The following NDUFC2 variants were observed in gnomAD, a reference collection of about 807,000 sequenced individuals.
The protein encoded by NDUFC2 is NADH:ubiquinone oxidoreductase subunit C2, also known as NADH dehydrogenase [ubiquinone] 1 subunit C2.
A neutral mutation model predicts 10.1 loss-of-function variants in NDUFC2; 2 were observed. The ratio of observed to expected loss-of-function variants is 0.20; its 90% CI spans 0.08 to 0.62. The LOEUF is 0.62. Among genes scored for constraint, NDUFC2 ranks in the 20% least tolerant of loss-of-function variants. The pLI, the probability that NDUFC2 is intolerant of heterozygous loss-of-function variation, is 0.87. For synonymous variants in NDUFC2, 61 were observed against 63.6 expected (o/e 0.96, Z 0.20); for missense variants, 156 against 159.6 (o/e 0.98, Z 0.12).
At chr11:78,074,665 T>C (rs1859164963) in intron 1 of NDUFC2, among the ~76,000 whole-genome samples, 1 of 151,426 alleles carries the variant, frequency 6.6e-6, no homozygotes, top group African/African-American at 2.4e-5. Flanking sequence ...TAGTAGCATA[T>C]AAAACAAGAC....
At chr11:78,073,421 G>A (rs1859103119) in intron 1 of NDUFC2, among the ~76,000 whole-genome samples, 2 of 152,202 alleles carry the variant, frequency 1.3e-5, no homozygotes, top group Non-Finnish European at 2.9e-5. Context: ...GAACCTGGGA[G>A]GCAGAGGTTG....
chr11:78,077,977 C>T (rs190556016), intron 1 of NDUFC2, among the ~76,000 whole-genome samples: 35 of 152,190 alleles, frequency 2.3e-4, no homozygotes, highest in Non-Finnish European at 4.0e-4. Flanking sequence ...GAGGCATAAA[C>T]GGACAAAGAT....
intron 2 of NDUFC2, chr11:78,072,740 A>G: frequency 1.8e-6 from 1 of 545,510 alleles, no homozygotes; most frequent in Non-Finnish European, 3.2e-6. Context: ...GGTGGACAGT[A>G]GTGCCATTCT....
rs757872828 is a variant in NDUFC2, at chr11:78,079,695, G to A, written c.50C>T (p.Ala17Val). 1.2e-6 allele frequency: 2 copies of A among 1,610,088 alleles called. No individual in the cohort carries two copies. Among genetic ancestry groups the A allele is most frequent in the African/African-American group, 2.7e-5 (2 of 74,734 alleles). ...CAGCTTGGGCGGGGGCAGGCTCCGG[G>A]CCTCATCCGGCAGAAACCGTAAGGG... ...PEPLRFLPDE[A>V]RSLPPPKLTD... The change falls in exon 1 of 3, where the codon GCC becomes GTC. Residue 17 changes from alanine to valine, a missense_variant. Transcript: ENST00000281031.
Position 78,079,640 on chromosome 11 carries a change from G to A in NDUFC2, c.105C>T (p.Phe35=), listed in dbSNP as rs199587606. The change falls in exon 1 of 3, where the codon TTC becomes TTT. Residue 35 remains phenylalanine (F), a synonymous_variant. Coordinates refer to ENST00000281031, the MANE Select transcript of NDUFC2 (RefSeq NM_004549.6). Reference sequence around the variant, plus strand: ...CAATCAGGCCGGAGCAGTAGCCCAAGAAGCCGATGTAGAGGAGCCGCGGGT... The same window carrying A: ...CAATCAGGCCGGAGCAGTAGCCCAAAAAGCCGATGTAGAGGAGCCGCGGGT... The part of the protein sequence containing the change: ...LTDPRLLYIG[F]LGYCSGLIDN... 6.3e-7 allele frequency: 1 copy of A among 1,589,084 alleles called. No individual in the cohort carries two copies.
At chr11:78,072,475 G>T (rs1453006489) in intron 2 of NDUFC2, among the ~76,000 whole-genome samples, 2 of 152,206 alleles carry the variant, frequency 1.3e-5, no homozygotes, top group East Asian at 3.8e-4. Flanking sequence ...ACTGCGACCA[G>T]CCGGATGACT....
chr11:78,071,957 A>G (rs1859027885), intron 2 of NDUFC2, among the ~76,000 whole-genome samples: 1 of 152,220 alleles, frequency 6.6e-6, no homozygotes, highest in Non-Finnish European at 1.5e-5. Context: ...TGCATAAGTA[A>G]GTGCCTGCTA....
intron 1 of NDUFC2, among the ~76,000 whole-genome samples, chr11:78,075,966 T>C (rs185582452): frequency 5.3e-5 from 8 of 152,174 alleles, no homozygotes; most frequent in East Asian, 3.9e-4. Flanking sequence ...CTTCCACCAC[T>C]CCTCCAACTG....
At chr11:78,078,711 T>TCATGAATC (rs1375193147) in intron 1 of NDUFC2, among the ~76,000 whole-genome samples, 32 of 142,996 alleles carry the variant, frequency 2.2e-4, no homozygotes, top group African/African-American at 7.9e-4. Flanking sequence ...TCCCCAGACC[T>TCATGAATC]CATGAATCAG....
chr11:78,071,833 A>C (rs955699861), intron 2 of NDUFC2, among the ~76,000 whole-genome samples: 1 of 152,230 alleles, frequency 6.6e-6, no homozygotes, highest in African/African-American at 2.4e-5. Flanking sequence ...AGCAGGAAGA[A>C]GGTACAACAT....
chr11:78,071,373 C>T (rs1421923915), intron 2 of NDUFC2, among the ~76,000 whole-genome samples: 2 of 151,442 alleles, frequency 1.3e-5, no homozygotes, highest in African/African-American at 4.9e-5. Flanking sequence ...CCTCCTGCCT[C>T]AGCCTCCCAA....
At chr11:78,078,360 C>G (rs1043944271) in intron 1 of NDUFC2, among the ~76,000 whole-genome samples, 1 of 152,226 alleles carries the variant, frequency 6.6e-6, no homozygotes, top group African/African-American at 2.4e-5. Context: ...TGAACACTCA[C>G]TCAATCATCA....
rs1858851166 is a variant in NDUFC2, at chr11:78,068,721, G to GT, written c.*1265dup. 1 of 151,502 alleles carries GT rather than the reference G, an allele frequency of 6.6e-6. No homozygotes were observed. 9.4% of individuals were successfully genotyped at this position (151,502 alleles called of 1,614,324 possible). ...AATTGCTTGAACCCAGGAGGTGGAGGTTGCAGTGAGCCGAAATTGCGCCAC... is the reference window on the plus strand; with the variant it reads ...AATTGCTTGAACCCAGGAGGTGGAGGTTTGCAGTGAGCCGAAATTGCGCCAC... On this transcript the variant is annotated 3_prime_UTR_variant, in exon 3 of 3. Coordinates refer to ENST00000281031, the MANE Select transcript of NDUFC2 (RefSeq NM_004549.6).
rs559556735 is a variant in NDUFC2, at chr11:78,074,970, C to T, written c.167-1829G>A. Among the ~76,000 whole-genome samples, 3 of 152,306 alleles carry T rather than the reference C, an allele frequency of 2.0e-5. No individual in the cohort carries two copies. In the East Asian group the frequency reaches 5.8e-4, roughly 29 times the overall value. On this transcript the variant is annotated intron_variant, in intron 1 of 2. Coordinates refer to ENST00000281031, the MANE Select transcript of NDUFC2 (RefSeq NM_004549.6). ...TAGCCCTAAAGGCATGGCTTGGCCT[C>T]TTGCCAAGGCCCCATTTTCCTAACC...
rs148297669 is a variant in NDUFC2, at chr11:78,069,990, A to G, written c.357T>C (p.Arg119=). The change falls in exon 3 of 3, where the codon CGT becomes CGC. Residue 119 remains arginine (R), a synonymous_variant. Coordinates refer to ENST00000281031, the MANE Select transcript of NDUFC2 (RefSeq NM_004549.6). ...TGGAGCAAGCATTTTGAAGACTTCA[A>G]CGTATTGGATGGAATTTTTCAAAAA... ...GEIFEKFHPI[R] The G allele has an allele frequency of 6.0e-5, 97 of 1,610,656 alleles. No individual in the cohort carries two copies. Among genetic ancestry groups the G allele is most frequent in the Non-Finnish European group, 7.7e-5 (91 of 1,177,966 alleles).
intron 1 of NDUFC2, among the ~76,000 whole-genome samples, chr11:78,077,433 C>T (rs1469030251): frequency 6.6e-6 from 1 of 152,230 alleles, no homozygotes; most frequent in Non-Finnish European, 1.5e-5. Flanking sequence ...ACTCAATTCT[C>T]ACAACAAATA....
chr11:78,078,743 T>TTTTTTTTTA (rs1859362696), intron 1 of NDUFC2, among the ~76,000 whole-genome samples: 2 of 142,912 alleles, frequency 1.4e-5, no homozygotes, highest in Non-Finnish European at 3.0e-5. Context: ...TTTTTTTTTT[T>TTTTTTTTTA]GAGACAGGGT....
Position 78,079,856 on chromosome 11 carries a change from C to G in NDUFC2, c.-112G>C. On this transcript the variant is annotated 5_prime_UTR_variant, in exon 1 of 3. Transcript: ENST00000281031. ...AGCTTTCTCCTCCTCCTCTGCGCGC[C>G]GGACTCACGGGCACGGCGCAGCGCG... is the stretch of plus-strand genomic sequence containing the variant. 1.4e-6 allele frequency: 2 copies of G among 1,425,608 alleles called. No homozygotes were observed. The highest frequency in any genetic ancestry group is 1.9e-6 in the Non-Finnish European group (2 of 1,079,996). The allele number at this position is 1,425,608 out of a possible 1,614,324, so 88.3% of individuals were successfully genotyped here. A position where few individuals can be genotyped will look rare whatever the true frequency, so the allele number is the denominator to read the frequency against.
chr11:78,076,324 T>A (rs1400065298), intron 1 of NDUFC2, among the ~76,000 whole-genome samples: 1 of 152,176 alleles, frequency 6.6e-6, no homozygotes, highest in Non-Finnish European at 1.5e-5. Flanking sequence ...GTATTTTTAG[T>A]AAAGACAGGG....
Sources: gnomAD v4.1 joint callset for allele counts (sites outside exome capture counted in the v4.1 genomes callset) on GRCh38, gnomAD v4.1.1 for gene constraint, MANE v1.5 for transcripts, NCBI Gene and HGNC (gene_info 2026-07-23, HGNC 2026-07-21) for gene names.